The following FAM81A variants were observed in gnomAD, a reference collection of about 807,000 sequenced individuals.
The protein encoded by FAM81A is protein FAM81A.
FAM81A carries 19 observed loss-of-function variants against 46.7 expected under a neutral mutation model. That is an observed-to-expected ratio of 0.41 (90% confidence interval 0.28 to 0.60). The LOEUF (loss-of-function observed/expected upper bound fraction) is 0.60, where lower values mean the gene tolerates loss of function less well. Among genes scored for constraint, FAM81A ranks in the 20% least tolerant of loss-of-function variants. FAM81A has a pLI of 0.34. For missense variants in FAM81A, 377 were observed against 453.5 expected, an observed-to-expected ratio of 0.83 and a Z score of 1.53; for synonymous variants, 183 against 152.9, an observed-to-expected ratio of 1.20 and a Z score of -1.45.
At chr15:59,501,993 T>A (rs1383106425) in intron 4 of FAM81A, among the ~76,000 whole-genome samples, 1 of 151,992 alleles carries the variant, frequency 6.6e-6, no homozygotes, top group Non-Finnish European at 1.5e-5. Context: ...TTCCTTCTTT[T>A]ATCTTAAATA....
At chr15:59,413,637 T>G (rs1234510401) in intron 2 of FAM81A, among the ~76,000 whole-genome samples, 1 of 152,168 alleles carries the variant, frequency 6.6e-6, no homozygotes, top group Non-Finnish European at 1.5e-5. Context: ...AGCTCTTGTT[T>G]TGGTCAGGTA....
chr15:59,409,900 T>C (rs2081112981), intron 2 of FAM81A, among the ~76,000 whole-genome samples: 1 of 152,174 alleles, frequency 6.6e-6, no homozygotes, highest in Non-Finnish European at 1.5e-5. Context: ...ACTGTATCTG[T>C]ATTATTAGTA....
chr15:59,475,051 C>G (rs1193011069), intron 3 of FAM81A, among the ~76,000 whole-genome samples: 2 of 152,206 alleles, frequency 1.3e-5, no homozygotes, highest in East Asian at 1.9e-4. Flanking sequence ...GATGAGAGAT[C>G]ACTTGAATTG....
intron 1 of FAM81A, among the ~76,000 whole-genome samples, chr15:59,449,798 A>C (rs1371109979): frequency 2.7e-5 from 4 of 150,748 alleles, no homozygotes; most frequent in Non-Finnish European, 4.4e-5. Flanking sequence ...AAAAAAAAAA[A>C]AAAAAAAAAA....
intron 3 of FAM81A, among the ~76,000 whole-genome samples, chr15:59,478,410 A>G (rs1431734353): frequency 6.6e-6 from 1 of 152,228 alleles, no homozygotes; most frequent in Admixed American, 6.5e-5. Flanking sequence ...CGATGAGTGC[A>G]GCATTGGGCT....
chr15:59,429,283 T>C (rs1762900427), intron 2 of FAM81A, among the ~76,000 whole-genome samples: 1 of 152,234 alleles, frequency 6.6e-6, no homozygotes, highest in South Asian at 2.1e-4. Flanking sequence ...ATGAATCTTT[T>C]TTTCGTTTAC....
Position 59,421,801 on chromosome 15 carries a change from A to ACCT in FAM81A, c.-78+19443_-78+19444insCCT, listed in dbSNP as rs1274092599. Among the ~76,000 whole-genome samples, 16 of 150,288 alleles carry ACCT rather than the reference A, an allele frequency of 1.1e-4. 1 individual carries two copies. Among genetic ancestry groups the ACCT allele is most frequent in the African/African-American group, 1.2e-4 (5 of 40,512 alleles). On this transcript the variant is annotated intron_variant, in intron 2 of 4. Transcript: ENST00000558348. ...TATCTATCTATCTATCTACCTACCT[A>ACCT]ACTACCTACCAAAAAAGCATTGAGG...
intron 1 of FAM81A, among the ~76,000 whole-genome samples, chr15:59,400,178 G>A (rs1248178669): frequency 6.6e-6 from 1 of 152,064 alleles, no homozygotes; most frequent in Non-Finnish European, 1.5e-5. Context: ...TCATGCTCTT[G>A]CCCCCCAATT....
At chr15:59,437,054 G>A (rs560309360), upstream of FAM81A, among the ~76,000 whole-genome samples, 9 of 152,330 alleles carry the variant, frequency 5.9e-5, no homozygotes, top group South Asian at 1.9e-3. Context: ...GCGCTTTGTG[G>A]AAGTTATTAG....
chr15:59,400,818 T>C (rs1414963856), intron 1 of FAM81A, among the ~76,000 whole-genome samples: 1 of 152,218 alleles, frequency 6.6e-6, no homozygotes, highest in Non-Finnish European at 1.5e-5. Flanking sequence ...TCCTTGCACA[T>C]TCCCTACTTT....
At chr15:59,423,624 A>G (rs973212617) in intron 2 of FAM81A, among the ~76,000 whole-genome samples, 1 of 152,264 alleles carries the variant, frequency 6.6e-6, no homozygotes, top group Non-Finnish European at 1.5e-5. Context: ...GTAAACTCTT[A>G]GGAAGCAATA....
chr15:59,443,446 C>A (rs4334234), intron 1 of FAM81A, among the ~76,000 whole-genome samples: 2 of 152,074 alleles, frequency 1.3e-5, no homozygotes, highest in South Asian at 2.1e-4. Flanking sequence ...TGTTACATTC[C>A]TTGTCATGCC....
At chr15:59,401,110 C>T in intron 1 of FAM81A, 1 of 602,422 alleles carries the variant, frequency 1.7e-6, no homozygotes, top group Non-Finnish European at 3.1e-6. Flanking sequence ...TAATAAATCT[C>T]TTGATGATTG....
intron 3 of FAM81A, among the ~76,000 whole-genome samples, chr15:59,465,746 G>A (rs963315938): frequency 3.3e-5 from 5 of 151,962 alleles, no homozygotes; most frequent in African/African-American, 1.2e-4. Flanking sequence ...CGCACAACGT[G>A]CAGGTTTGAT....
chr15:59,442,489 C>T (rs1039194397), intron 1 of FAM81A, among the ~76,000 whole-genome samples: 2 of 151,568 alleles, frequency 1.3e-5, no homozygotes, highest in African/African-American at 4.8e-5. Context: ...TGGTGGTGAG[C>T]GCCTGTAATC....
At chr15:59,457,652 TC>T (rs1567051722) in intron 1 of FAM81A, among the ~76,000 whole-genome samples, 1 of 152,178 alleles carries the variant, frequency 6.6e-6, no homozygotes, top group African/African-American at 2.4e-5. Context: ...GACTTTTTTT[TC>T]CTTAAATGTA....
chr15:59,500,494 G>T (rs1339688816), intron 4 of FAM81A, among the ~76,000 whole-genome samples: 1 of 151,834 alleles, frequency 6.6e-6, no homozygotes, highest in African/African-American at 2.4e-5. Context: ...TAGAGACAGG[G>T]TCTCACTGTG....
intron 3 of FAM81A, among the ~76,000 whole-genome samples, chr15:59,490,227 C>T (rs1260988421): frequency 7.2e-5 from 11 of 151,990 alleles, no homozygotes; most frequent in African/African-American, 2.7e-4. Flanking sequence ...GAGAAATACC[C>T]CTCAAGCACA....
At chr15:59,506,620 C>G (rs1229282179) in intron 4 of FAM81A, among the ~76,000 whole-genome samples, 1 of 152,162 alleles carries the variant, frequency 6.6e-6, no homozygotes, top group Non-Finnish European at 1.5e-5. Flanking sequence ...TGTGACTCTC[C>G]TATTAGGACT....
Sources: gnomAD v4.1 joint callset for allele counts (sites outside exome capture counted in the v4.1 genomes callset) on GRCh38, gnomAD v4.1.1 for gene constraint, MANE v1.5 for transcripts, NCBI Gene and HGNC (gene_info 2026-07-23, HGNC 2026-07-21) for gene names.